The following MCF2L2 variants were observed in gnomAD, a reference collection of about 807,000 sequenced individuals.
The protein encoded by MCF2L2 is probable guanine nucleotide exchange factor MCF2L2.
MCF2L2 carries 102 observed loss-of-function variants against 150.2 expected under a neutral mutation model. That is an observed-to-expected ratio of 0.68 (90% confidence interval 0.58 to 0.80). The LOEUF is 0.80. Ranked by LOEUF, MCF2L2 falls within the 30% of genes least tolerant of loss-of-function variation. The pLI, the probability that MCF2L2 is intolerant of heterozygous loss-of-function variation, is 0.00. For synonymous variants in MCF2L2, 465 were observed against 491.3 expected, an observed-to-expected ratio of 0.95 and a Z score of 0.71; for missense variants, 1,256 against 1,372.8, an observed-to-expected ratio of 0.91 and a Z score of 1.34.
At chr3:183,234,572 C>A (rs1270015958) in intron 15 of MCF2L2, among the ~76,000 whole-genome samples, 1 of 151,520 alleles carries the variant, frequency 6.6e-6, no homozygotes, top group Non-Finnish European at 1.5e-5. Flanking sequence ...TAAATACATT[C>A]AAATTAATAT....
intron 22 of MCF2L2, among the ~76,000 whole-genome samples, chr3:183,208,561 G>A (rs1722579416): frequency 6.6e-6 from 1 of 152,184 alleles, no homozygotes; most frequent in African/African-American, 2.4e-5. Flanking sequence ...TGCCTTCTCT[G>A]AGCTCTCTTC....
chr3:183,401,577 A>C (rs1714758974), intron 1 of MCF2L2, among the ~76,000 whole-genome samples: 1 of 152,238 alleles, frequency 6.6e-6, no homozygotes, highest in Admixed American at 6.5e-5. Context: ...ACCCCAGAAG[A>C]TACCTTCAAG....
chr3:183,350,096 C>T (rs1344987509), intron 3 of MCF2L2, among the ~76,000 whole-genome samples: 1 of 152,214 alleles, frequency 6.6e-6, no homozygotes, highest in Non-Finnish European at 1.5e-5. Context: ...CTTCGCTCCA[C>T]ACAGACTAAG....
At chr3:183,294,684 A>C (rs188318536) in intron 13 of MCF2L2, among the ~76,000 whole-genome samples, 2,455 of 144,566 alleles carry the variant, frequency 0.017, 53 homozygotes, top group East Asian at 0.047. Flanking sequence ...GATGGAGTGC[A>C]GTGGCGCCAT....
chr3:183,319,031 T>C (rs758647660), intron 6 of MCF2L2, among the ~76,000 whole-genome samples: 2 of 152,250 alleles, frequency 1.3e-5, no homozygotes, highest in African/African-American at 4.8e-5. Context: ...CTTCCTTTCA[T>C]GAAAGAATTC....
intron 13 of MCF2L2, among the ~76,000 whole-genome samples, chr3:183,294,597 GTA>G (rs1226655167): frequency 7.0e-6 from 1 of 143,600 alleles, no homozygotes; most frequent in African/African-American, 2.6e-5. Flanking sequence ...ACATATATGT[GTA>G]TGTGTGTGTG....
chr3:183,195,350 AGAG>A, intron 25 of MCF2L2, 95 bp from the exon 26 acceptor site: 1 of 794,658 alleles, frequency 1.3e-6, no homozygotes, highest in Admixed American at 2.3e-5. Context: ...ATATGCATAA[AGAG>A]AATACTATAA....
At chr3:183,335,491 G>T (rs532971042) in intron 5 of MCF2L2, among the ~76,000 whole-genome samples, 1 of 152,100 alleles carries the variant, frequency 6.6e-6, no homozygotes, top group African/African-American at 2.4e-5. Flanking sequence ...AGTCACCAAG[G>T]TAATGATATT....
At chr3:183,199,159 C>T (rs1469619231) in intron 25 of MCF2L2, among the ~76,000 whole-genome samples, 1 of 152,086 alleles carries the variant, frequency 6.6e-6, no homozygotes, top group Admixed American at 6.6e-5. Context: ...TGATGCACAC[C>T]CAGCTTTGCA....
intron 1 of MCF2L2, among the ~76,000 whole-genome samples, chr3:183,396,119 T>C (rs1434515642): frequency 6.6e-6 from 1 of 151,750 alleles, no homozygotes; most frequent in African/African-American, 2.4e-5. Context: ...CAGTGCTCAA[T>C]GCTGGCAGGT....
rs1302056111 is a variant in MCF2L2 at position 183,216,552 on chromosome 3, TTATATATATATATA to T, written c.2371-472_2371-459del. On this transcript the variant is annotated intron_variant, in intron 21 of 29. Coordinates refer to ENST00000328913, the MANE Select transcript of MCF2L2 (RefSeq NM_015078.4). ...ATTATATAAAATATAAGTATATATA[TTATATATATATATA>T]TATATATATATATATTTTTTTTTTT... Among the ~76,000 whole-genome samples the T allele has an allele frequency of 6.6e-4, 22 of 33,104 alleles. 1 individual carries two copies. Among genetic ancestry groups the T allele is most frequent in the African/African-American group, 1.6e-3 (21 of 13,350 alleles). The allele number at this position is 33,104 out of a possible 152,430, so 21.7% of individuals were successfully genotyped here.
At chr3:183,368,361 T>C (rs370509633) in intron 3 of MCF2L2, among the ~76,000 whole-genome samples, 4 of 152,118 alleles carry the variant, frequency 2.6e-5, no homozygotes, top group South Asian at 2.1e-4. Context: ...ACTCTCATCT[T>C]TGTAAATAAA....
intron 15 of MCF2L2, chr3:183,273,355 C>G: frequency 4.5e-6 from 1 of 221,952 alleles, no homozygotes; most frequent in Non-Finnish European, 9.5e-6. Flanking sequence ...TAAAAAAAAT[C>G]TATAGTTTCC....
rs566237564 is a variant in MCF2L2, at chr3:183,425,458, C to A, written c.76+2444G>T. ...TCAAACCTTCCCCAACTCATGATCA[C>A]CTCCTCAGAAGCTACTTGATAAGGA... is the stretch of plus-strand genomic sequence containing the variant. On this transcript the variant is annotated intron_variant, in intron 1 of 29. Transcript: ENST00000328913. Among the ~76,000 whole-genome samples the A allele has an allele frequency of 2.0e-5, 3 of 152,236 alleles. No homozygotes were observed. In the South Asian group the frequency reaches 6.2e-4, roughly 32 times the overall value.
In MCF2L2 at chr3:183,386,422, G is replaced by A. The variant is rs145353768; in HGVS notation, c.160+3274C>T. Reference sequence around the variant, plus strand: ...CTCACAGGCTTCGCATCCAGAGGCCGCAAACCATCGGGCCACAAATCTGGG... The same window carrying A: ...CTCACAGGCTTCGCATCCAGAGGCCACAAACCATCGGGCCACAAATCTGGG... On this transcript the variant is annotated intron_variant, in intron 2 of 29. Coordinates refer to ENST00000328913, the MANE Select transcript of MCF2L2 (RefSeq NM_015078.4). Among the ~76,000 whole-genome samples, 593 of 152,302 alleles carry A rather than the reference G, an allele frequency of 3.9e-3. 9 individuals carry two copies. The highest frequency in any genetic ancestry group is 3.8e-3 in the Non-Finnish European group (260 of 68,038).
chr3:183,404,762 C>G (rs966677308), intron 1 of MCF2L2, among the ~76,000 whole-genome samples: 1 of 152,088 alleles, frequency 6.6e-6, no homozygotes, highest in African/African-American at 2.4e-5. Flanking sequence ...ACTCGGGAGG[C>G]TGAGGCAGAA....
At chr3:183,304,793 C>T (rs1045383198) in intron 10 of MCF2L2, among the ~76,000 whole-genome samples, 1 of 152,046 alleles carries the variant, frequency 6.6e-6, no homozygotes. Context: ...ATTTTTGACT[C>T]TTTGGTTCAC....
At chr3:183,229,018 G>A (rs1367939820) in intron 17 of MCF2L2, among the ~76,000 whole-genome samples, 1 of 152,140 alleles carries the variant, frequency 6.6e-6, no homozygotes, top group East Asian at 1.9e-4. Context: ...ACCAACGGAC[G>A]AGGAATGGGG....
rs750027173 is a variant in MCF2L2, at chr3:183,300,116, G to A, written c.1194C>T (p.Ile398=). Residue 398 remains isoleucine, a synonymous_variant, in exon 11 of 30, where the codon ATC becomes ATT. Transcript: ENST00000328913. ...GCCTGAGCTCCACACACCGGGGCCT[G>A]ATGGCATCTGCTGCATAATGGTGGC... ...IQSHHYAADA[I]RPRCVELRHL... is the part of the protein sequence containing the mutation. The A allele has an allele frequency of 7.4e-6, 12 of 1,613,916 alleles. No homozygotes were observed. Among genetic ancestry groups the A allele is most frequent in the Non-Finnish European group, 1.0e-5 (12 of 1,180,000 alleles).
Sources: gnomAD v4.1 joint callset for allele counts (sites outside exome capture counted in the v4.1 genomes callset) on GRCh38, gnomAD v4.1.1 for gene constraint, MANE v1.5 for transcripts, NCBI Gene and HGNC (gene_info 2026-07-23, HGNC 2026-07-21) for gene names.